Variants in SULT2B1 observed in about 807,000 individuals in gnomAD.
SULT2B1 encodes sulfotransferase family 2B member 1.
Under a neutral mutation model 33.2 loss-of-function variants are expected in SULT2B1, and 16 were observed. The ratio of observed to expected loss-of-function variants is 0.48; its 90% CI spans 0.33 to 0.73. SULT2B1 has a LOEUF of 0.73. SULT2B1 is among the 30% of genes least tolerant of loss of function. SULT2B1 has a pLI of 0.02. For missense variants in SULT2B1, 500 were observed against 506.0 expected (o/e 0.99, Z 0.11); for synonymous variants, 186 against 200.5 (o/e 0.93, Z 0.61).
intron 3 of SULT2B1, among the ~76,000 whole-genome samples, chr19:48,589,144 G>C (rs1973609243): frequency 6.6e-6 from 1 of 152,246 alleles, no homozygotes; most frequent in South Asian, 2.1e-4. Context: ...CCGGGGTCCA[G>C]GGGAGGGGAC....
At chr19:48,589,001 C>G (rs1023396679) in intron 3 of SULT2B1, among the ~76,000 whole-genome samples, 1 of 152,184 alleles carries the variant, frequency 6.6e-6, no homozygotes, top group African/African-American at 2.4e-5. Context: ...GACCGAGTGA[C>G]GAGGCAGCGC....
At chr19:48,566,787 A>G (rs1357607366) in intron 1 of SULT2B1, among the ~76,000 whole-genome samples, 1 of 151,880 alleles carries the variant, frequency 6.6e-6, no homozygotes, top group Non-Finnish European at 1.5e-5. Flanking sequence ...GGTTGCAGTG[A>G]GCCAAAATTG....
intron 1 of SULT2B1, among the ~76,000 whole-genome samples, chr19:48,566,807 A>G (rs1048744521): frequency 7.9e-5 from 12 of 151,266 alleles, no homozygotes; most frequent in African/African-American, 2.9e-4. Context: ...GTGTCACTGC[A>G]CTCCGGCTTT....
At chr19:48,577,192 G>A (rs1163088950) in intron 2 of SULT2B1, among the ~76,000 whole-genome samples, 3 of 148,338 alleles carry the variant, frequency 2.0e-5, no homozygotes, top group Non-Finnish European at 4.5e-5. Flanking sequence ...GCCACCATGC[G>A]CGGCTACTTC....
intron 2 of SULT2B1, among the ~76,000 whole-genome samples, chr19:48,576,367 T>C (rs1396725555): frequency 1.3e-4 from 17 of 129,334 alleles, no homozygotes; most frequent in Non-Finnish European, 1.5e-4. Flanking sequence ...CTCTTTTTTT[T>C]TTTTTTTTTT....
chr19:48,584,504 AT>A (rs1342305262), intron 2 of SULT2B1, among the ~76,000 whole-genome samples: 13 of 151,112 alleles, frequency 8.6e-5, no homozygotes, highest in African/African-American at 3.2e-4. Flanking sequence ...CAGAGGAGAA[AT>A]GTTTACAGGG....
chr19:48,593,347 T>C (rs1973668540), intron 5 of SULT2B1, among the ~76,000 whole-genome samples: 1 of 151,040 alleles, frequency 6.6e-6, no homozygotes, highest in South Asian at 2.1e-4. Context: ...AGGTCAGGAG[T>C]TCAAGACCAG....
Position 48,596,575 on chromosome 19 carries a change from G to A in SULT2B1, c.646-164G>A. Reference sequence around the variant, plus strand: ...ACAGAAACTGCAAAAACCCTTAGAGGCGATATAGCCCAACCCCTCAGTTTG... The same window carrying A: ...ACAGAAACTGCAAAAACCCTTAGAGACGATATAGCCCAACCCCTCAGTTTG... On this transcript the variant is annotated intron_variant, in intron 5 of 6. Transcript: ENST00000201586. 8.5e-6 allele frequency: 6 copies of A among 708,244 alleles called. No homozygotes were observed. In the South Asian group the frequency reaches 1.2e-4, roughly 14 times the overall value. 43.9% of individuals were successfully genotyped at this position (708,244 alleles called of 1,614,324 possible).
intron 2 of SULT2B1, among the ~76,000 whole-genome samples, chr19:48,577,794 G>C (rs1973434344): frequency 6.6e-6 from 1 of 152,142 alleles, no homozygotes; most frequent in Non-Finnish European, 1.5e-5. Flanking sequence ...TACAAAGAAG[G>C]CTGCAACTCT....
chr19:48,573,360 G>A (rs1162032924), intron 1 of SULT2B1, among the ~76,000 whole-genome samples: 6 of 151,936 alleles, frequency 3.9e-5, no homozygotes, highest in East Asian at 1.9e-4. Context: ...ATATCAGCAC[G>A]CCAGGCCCTG....
At chr19:48,554,224 G>A (rs1395833671) in intron 1 of SULT2B1, among the ~76,000 whole-genome samples, 1 of 151,398 alleles carries the variant, frequency 6.6e-6, no homozygotes, top group African/African-American at 2.4e-5. Flanking sequence ...TCTCCCCAGC[G>A]AGCCTGCTGG....
At chr19:48,553,158 A>G (rs1601081705) in intron 1 of SULT2B1, among the ~76,000 whole-genome samples, 1 of 152,066 alleles carries the variant, frequency 6.6e-6, no homozygotes, top group Non-Finnish European at 1.5e-5. Context: ...ATCACACAGC[A>G]AACTGCTGAG....
At chr19:48,592,137 C>CA (rs1163962466) in intron 4 of SULT2B1, among the ~76,000 whole-genome samples, 1 of 151,770 alleles carries the variant, frequency 6.6e-6, no homozygotes, top group Non-Finnish European at 1.5e-5. Context: ...ACTAAAAATA[C>CA]AAAAAATTAG....
chr19:48,589,501 G>T (rs921881939), intron 3 of SULT2B1, among the ~76,000 whole-genome samples: 3 of 152,266 alleles, frequency 2.0e-5, no homozygotes, highest in Admixed American at 1.3e-4. Context: ...TCCAGGACTG[G>T]GTGATATCGC....
intron 1 of SULT2B1, among the ~76,000 whole-genome samples, chr19:48,554,151 G>A (rs938899500): frequency 6.6e-5 from 10 of 152,158 alleles, no homozygotes; most frequent in African/African-American, 2.2e-4. Flanking sequence ...AGCCCTGGGG[G>A]GGTGCCCTTA....
At chr19:48,576,559 G>A (rs956875238) in intron 2 of SULT2B1, among the ~76,000 whole-genome samples, 6 of 149,178 alleles carry the variant, frequency 4.0e-5, no homozygotes, top group Admixed American at 1.3e-4. Flanking sequence ...GTGCAGTGGT[G>A]CAATATCAGC....
chr19:48,562,695 T>A (rs1470379298), intron 1 of SULT2B1, among the ~76,000 whole-genome samples: 1 of 152,170 alleles, frequency 6.6e-6, no homozygotes, highest in African/African-American at 2.4e-5. Flanking sequence ...TTATTTATTT[T>A]TTGAGACAGA....
chr19:48,554,150 G>C (rs1973063570), intron 1 of SULT2B1, among the ~76,000 whole-genome samples: 1 of 152,058 alleles, frequency 6.6e-6, no homozygotes, highest in Non-Finnish European at 1.5e-5. Context: ...GAGCCCTGGG[G>C]GGGTGCCCTT....
At chr19:48,569,217 C>A (rs1426703530) in intron 1 of SULT2B1, among the ~76,000 whole-genome samples, 1 of 151,346 alleles carries the variant, frequency 6.6e-6, no homozygotes, top group African/African-American at 2.4e-5. Context: ...TGGCGGGCGC[C>A]TGTAGTCCCA....
Sources: gnomAD v4.1 joint callset for allele counts (sites outside exome capture counted in the v4.1 genomes callset) on GRCh38, gnomAD v4.1.1 for gene constraint, MANE v1.5 for transcripts, NCBI Gene and HGNC (gene_info 2026-07-23, HGNC 2026-07-21) for gene names.